Variants in PCDHGA6 observed in about 807,000 individuals in gnomAD.
PCDHGA6 encodes protocadherin gamma subfamily A, 6, also known as protocadherin gamma-A6.
A neutral mutation model predicts 60.6 loss-of-function variants in PCDHGA6; 41 were observed. The observed-to-expected ratio is 0.68, with a 90% CI of 0.53 to 0.88. PCDHGA6 has a LOEUF of 0.88. Among genes scored for constraint, PCDHGA6 ranks in the 40% least tolerant of loss-of-function variants. The pLI, the probability that PCDHGA6 is intolerant of heterozygous loss-of-function variation, is 0.00. For missense variants in PCDHGA6, 1,312 were observed against 1,203.0 expected (o/e 1.09, Z -1.34); for synonymous variants, 594 against 524.4 (o/e 1.13, Z -1.81).
At chr5:141,492,705 C>T (rs2099743225) in intron 1 of PCDHGA6, among the ~76,000 whole-genome samples, 1 of 152,258 alleles carries the variant, frequency 6.6e-6, no homozygotes, top group South Asian at 2.1e-4. Flanking sequence ...ACCCAGAAGC[C>T]TCGAGCAGGC....
chr5:141,374,303 C>G lies in PCDHGA6; in HGVS notation c.220C>G (p.Leu74Val), dbSNP rs373167574. 1.2e-6 allele frequency: 2 copies of G among 1,613,938 alleles called. No individual in the cohort carries two copies. The highest frequency in any genetic ancestry group is 1.7e-5 in the Admixed American group (1 of 60,028). Residue 74 changes from leucine to valine, a missense_variant, in exon 1 of 4, where the codon CTT becomes GTT. Physicochemically the swap from Leu to Val is conservative, Grantham distance 32 (BLOSUM62 1). Transcript: ENST00000517434. ...VRIVSRGRMQ[L>V]FSLNPRNGSL... ...CATCGTCTCCAGAGGTAGGATGCAGCTTTTCTCTCTGAATCCGCGAAACGG... is the reference window on the plus strand; with the variant it reads ...CATCGTCTCCAGAGGTAGGATGCAGGTTTTCTCTCTGAATCCGCGAAACGG...
chr5:141,383,504 G>A lies in PCDHGA6; in HGVS notation c.2424+6997G>A, dbSNP rs373658496. On this transcript the variant is annotated intron_variant, in intron 1 of 3. Coordinates refer to ENST00000517434, the MANE Select transcript of PCDHGA6 (RefSeq NM_018919.3). Reference sequence around the variant, plus strand: ...CTGGTGCTGGAGCGGGTGCTGGACCGGGAGGAAGAGCGGGTTCACCACCTG... The same window carrying A: ...CTGGTGCTGGAGCGGGTGCTGGACCAGGAGGAAGAGCGGGTTCACCACCTG... 1.3e-5 allele frequency: 21 copies of A among 1,612,648 alleles called. No homozygotes were observed. In the Admixed American group the frequency reaches 2.8e-4, roughly 22 times the overall value.
At position 141,462,908 on chromosome 5, in the gene PCDHGA6, T is replaced by G. The variant is rs186061013; in HGVS notation, c.2425-31899T>G. ...AGTTTGTTTTGGAAGGCTATTATGT[T>G]TTTTGCAGATCAGGTTGATCTTTTC... On this transcript the variant is annotated intron_variant, in intron 1 of 3. Coordinates refer to ENST00000517434, the MANE Select transcript of PCDHGA6 (RefSeq NM_018919.3). Among the ~76,000 whole-genome samples the G allele has an allele frequency of 1.4e-4, 21 of 152,362 alleles. No individual in the cohort carries two copies. The East Asian group carries it at 3.5e-3, about 25-fold the overall frequency.
At chr5:141,471,215 A>G (rs1562030197) in intron 1 of PCDHGA6, 1 of 149,038 alleles carries the variant, frequency 6.7e-6, no homozygotes, top group Non-Finnish European at 1.5e-5. Context: ...ATGCCTGGCA[A>G]TTTTTTTGTA....
chr5:141,413,256 A>G (rs1255086187), intron 1 of PCDHGA6: 2 of 1,613,946 alleles, frequency 1.2e-6, no homozygotes, highest in Admixed American at 1.7e-5. Context: ...TCGGGATTCC[A>G]TGGGAGGCTG....
chr5:141,449,498 A>G (rs1190732747), intron 1 of PCDHGA6, among the ~76,000 whole-genome samples: 7 of 150,506 alleles, frequency 4.7e-5, no homozygotes, highest in Non-Finnish European at 8.9e-5. Flanking sequence ...GTGAGGCATG[A>G]GAAATGCTTG....
chr5:141,489,558 G>A lies in PCDHGA6; in HGVS notation c.2425-5249G>A. On this transcript the variant is annotated intron_variant, in intron 1 of 3. Coordinates refer to ENST00000517434, the MANE Select transcript of PCDHGA6 (RefSeq NM_018919.3). The surrounding 1 kb of genome is among the most constrained non-coding windows in gnomAD (Gnocchi z 4.5). ...CCAGCACCAGCTGCCTGCTGCCAGT[G>A]CAGGTGGTGACTGAACACCCCCTGG... 1 of 1,614,130 alleles carries A rather than the reference G, an allele frequency of 6.2e-7. No individual in the cohort carries two copies. Among genetic ancestry groups the A allele is most frequent in the Non-Finnish European group, 8.5e-7 (1 of 1,180,024 alleles).
intron 1 of PCDHGA6, among the ~76,000 whole-genome samples, chr5:141,397,708 T>A (rs1409305799): frequency 6.6e-6 from 1 of 152,250 alleles, no homozygotes; most frequent in East Asian, 1.9e-4. Context: ...ACGTGATATT[T>A]CTAACAATTT....
At chr5:141,475,448 G>C (rs774710049) in intron 1 of PCDHGA6, among the ~76,000 whole-genome samples, 1 of 152,214 alleles carries the variant, frequency 6.6e-6, no homozygotes, top group African/African-American at 2.4e-5. Context: ...CAGATAATGA[G>C]GAAGTGACAG....
chr5:141,378,478 GT>G (rs1210036765), intron 1 of PCDHGA6: 3 of 152,162 alleles, frequency 2.0e-5, no homozygotes, highest in African/African-American at 7.2e-5. Flanking sequence ...AGCCAAGATC[GT>G]GCCACTGCAC....
At chr5:141,439,190 C>CA (rs200519543) in intron 1 of PCDHGA6, among the ~76,000 whole-genome samples, 17,650 of 111,626 alleles carry the variant, frequency 0.16, 1,295 homozygotes, top group African/African-American at 0.25. Context: ...GAGACTCTGA[C>CA]AAAAAAAAAA....
chr5:141,507,522 C>G (rs560304194), intron 3 of PCDHGA6, among the ~76,000 whole-genome samples: 365 of 152,096 alleles, frequency 2.4e-3, no homozygotes, highest in African/African-American at 8.1e-3. Context: ...GCTATGATTC[C>G]AGAGAGGCCA....
At chr5:141,436,294 G>A (rs1205368824) in intron 1 of PCDHGA6, among the ~76,000 whole-genome samples, 1 of 152,142 alleles carries the variant, frequency 6.6e-6, no homozygotes, top group Non-Finnish European at 1.5e-5. Context: ...AAATCATTGA[G>A]AGTTAGAGCA....
At chr5:141,382,770 C>T in intron 1 of PCDHGA6, 7 of 734,404 alleles carry the variant, frequency 9.5e-6, no homozygotes, top group Non-Finnish European at 1.5e-5. Context: ...TTCCAGGCTG[C>T]ACTAAACTCA....
chr5:141,477,010 C>G lies in PCDHGA6; in HGVS notation c.2425-17797C>G. On this transcript the variant is annotated intron_variant, in intron 1 of 3. Coordinates refer to ENST00000517434, the MANE Select transcript of PCDHGA6 (RefSeq NM_018919.3). This position sits in a 1 kb window ranked among gnomAD's most constrained non-coding sequence, Gnocchi z 4.9. ...GCGTGCGGCAACTATTCGCCTTAGA[C>G]CTTGTAACCGGGATGCTGACAATCA... 4 of 1,614,260 alleles carry G rather than the reference C, an allele frequency of 2.5e-6. No homozygotes were observed. Among genetic ancestry groups the G allele is most frequent in the Non-Finnish European group, 2.5e-6 (3 of 1,180,052 alleles).
chr5:141,501,328 CACA>C (rs2099808027), intron 2 of PCDHGA6, among the ~76,000 whole-genome samples: 1 of 151,710 alleles, frequency 6.6e-6, no homozygotes, highest in Non-Finnish European at 1.5e-5. Context: ...CACACACACA[CACA>C]CACCCCAAAC....
At chr5:141,414,699 C>T (rs2095778847) in intron 1 of PCDHGA6, 2 of 1,613,952 alleles carry the variant, frequency 1.2e-6, no homozygotes, top group Non-Finnish European at 1.7e-6. Context: ...TGTCCTCATA[C>T]ATATCCATCA....
At chr5:141,468,330 C>CAAAAA (rs533390277) in intron 1 of PCDHGA6, 4 of 79,848 alleles carry the variant, frequency 5.0e-5, no homozygotes, top group African/African-American at 7.8e-5. Context: ...AACTCCATCT[C>CAAAAA]AAAAAAAAAA....
chr5:141,473,497 C>T (rs2099323546), intron 1 of PCDHGA6, among the ~76,000 whole-genome samples: 1 of 152,106 alleles, frequency 6.6e-6, no homozygotes, highest in Non-Finnish European at 1.5e-5. Context: ...ATAAGGTGTT[C>T]TGAGAGAGCA....
Sources: allele counts gnomAD v4.1 joint callset (sites outside exome capture counted in the v4.1 genomes callset), GRCh38; gene constraint gnomAD v4.1.1; non-coding constraint Gnocchi (gnomAD v3.1); transcripts MANE v1.5; gene names NCBI Gene and HGNC (gene_info 2026-07-23, HGNC 2026-07-21).